SAMMSON: variants seen among roughly 807,000 people sequenced by gnomAD.
SAMMSON encodes the protein survival associated mitochondrial melanoma specific oncogenic non-coding RNA.
At chr3:70,095,891 C>T (rs1205808864) in intron 4 of SAMMSON, 1 of 152,162 alleles carries the variant, frequency 6.6e-6, no homozygotes, top group Non-Finnish European at 1.5e-5. Context: ...CAATGCATAT[C>T]ACTGACACAT....
downstream of SAMMSON, among the ~76,000 whole-genome samples, chr3:70,394,519 C>T (rs1018405478): frequency 2.6e-5 from 4 of 151,828 alleles, no homozygotes; most frequent in East Asian, 1.9e-4. Flanking sequence ...TACCAGGGAC[C>T]GAAGAGAGGG....
chr3:70,140,464 C>G (rs372842779), intron 4 of SAMMSON: 1 of 181,264 alleles, frequency 5.5e-6, no homozygotes, highest in Admixed American at 5.4e-5. Context: ...GAGTGACCCA[C>G]AAACTCTTTA....
At chr3:70,122,062 G>A (rs2067436994) in intron 4 of SAMMSON, among the ~76,000 whole-genome samples, 1 of 152,128 alleles carries the variant, frequency 6.6e-6, no homozygotes, top group African/African-American at 2.4e-5. Flanking sequence ...TATACTGTTT[G>A]TGTGGGACAT....
At chr3:70,083,924 G>A (rs2067276469) in intron 4 of SAMMSON, among the ~76,000 whole-genome samples, 1 of 152,066 alleles carries the variant, frequency 6.6e-6, no homozygotes, top group Non-Finnish European at 1.5e-5. Context: ...AAATAAGGGT[G>A]GAATGAGTGA....
At chr3:70,034,701 G>A (rs940143210) in intron 3 of SAMMSON, among the ~76,000 whole-genome samples, 37 of 152,174 alleles carry the variant, frequency 2.4e-4, no homozygotes, top group African/African-American at 7.9e-4. Context: ...AAAATTAGCT[G>A]GGCATGGTAG....
chr3:70,044,494 A>T (rs977316270), intron 3 of SAMMSON, among the ~76,000 whole-genome samples: 3 of 152,058 alleles, frequency 2.0e-5, no homozygotes, highest in African/African-American at 4.8e-5. Flanking sequence ...AGCCAACCAG[A>T]TATTCATTTT....
intron 3 of SAMMSON, among the ~76,000 whole-genome samples, chr3:70,047,036 A>G (rs1478870986): frequency 1.3e-5 from 2 of 152,122 alleles, no homozygotes; most frequent in Non-Finnish European, 2.9e-5. Context: ...CCCTTTTGGC[A>G]GGTGAGGTCA....
intron 7 of SAMMSON, among the ~76,000 whole-genome samples, chr3:70,353,250 TATAAAAGAAAAAACTTTTCTC>T (rs1702806568): frequency 6.6e-6 from 1 of 151,958 alleles, no homozygotes; most frequent in Non-Finnish European, 1.5e-5. Flanking sequence ...AACTTTTCTC[TATAAAAGAAAAAACTTTTCTC>T]ATAAAAGAAT....
intron 8 of SAMMSON, among the ~76,000 whole-genome samples, chr3:70,356,391 C>T (rs1391008924): frequency 6.6e-6 from 1 of 151,912 alleles, no homozygotes. Flanking sequence ...ATAATTTAAC[C>T]AACTTTAATC....
At chr3:70,290,522 T>A (rs1355412968) in intron 6 of SAMMSON, among the ~76,000 whole-genome samples, 9 of 152,240 alleles carry the variant, frequency 5.9e-5, no homozygotes, top group Admixed American at 2.6e-4. Context: ...TGTTTGTCTG[T>A]GCCCTGCCCC....
chr3:70,299,841 T>G (rs1199558976), intron 7 of SAMMSON, among the ~76,000 whole-genome samples: 2 of 152,144 alleles, frequency 1.3e-5, no homozygotes, highest in Non-Finnish European at 2.9e-5. Flanking sequence ...GGCTTCCCTT[T>G]GTTTAATAAC....
chr3:70,195,057 G>A (rs1374420148), intron 4 of SAMMSON, among the ~76,000 whole-genome samples: 2 of 152,186 alleles, frequency 1.3e-5, no homozygotes, highest in African/African-American at 4.8e-5. Flanking sequence ...AGTGCAGGTA[G>A]TCAGAAAATT....
At chr3:70,211,537 C>T (rs1253448100) in intron 4 of SAMMSON, among the ~76,000 whole-genome samples, 1 of 32,920 alleles carries the variant, frequency 3.0e-5, no homozygotes. Context: ...TCCCTTTGCC[C>T]TTCCCTTCCC....
At chr3:70,334,569 T>C (rs935188320) in intron 7 of SAMMSON, among the ~76,000 whole-genome samples, 13 of 152,088 alleles carry the variant, frequency 8.5e-5, no homozygotes, top group African/African-American at 3.1e-4. Flanking sequence ...TTCTTTAATA[T>C]GTAATTATTA....
At chr3:70,302,853 C>T (rs1702364193) in intron 7 of SAMMSON, among the ~76,000 whole-genome samples, 1 of 152,056 alleles carries the variant, frequency 6.6e-6, no homozygotes, top group African/African-American at 2.4e-5. Flanking sequence ...CCGTTGGGAT[C>T]AATCTCATCA....
At chr3:70,308,688 C>T (rs1054795466) in intron 7 of SAMMSON, among the ~76,000 whole-genome samples, 10 of 152,156 alleles carry the variant, frequency 6.6e-5, no homozygotes, top group Non-Finnish European at 1.5e-4. Flanking sequence ...GTATTGTTCT[C>T]TGCCACACTT....
chr3:70,381,485 A>T (rs1020412134), intron 9 of SAMMSON, among the ~76,000 whole-genome samples: 1 of 152,204 alleles, frequency 6.6e-6, no homozygotes, highest in African/African-American at 2.4e-5. Context: ...GTAACTTTAC[A>T]AGAGAGATAT....
intron 4 of SAMMSON, among the ~76,000 whole-genome samples, chr3:70,162,327 A>G (rs948828698): frequency 2.0e-5 from 3 of 151,798 alleles, no homozygotes; most frequent in African/African-American, 7.2e-5. Context: ...AAATTTTGGT[A>G]TATGTATTTT....
At chr3:70,391,528 A>C (rs1224899243), downstream of SAMMSON, among the ~76,000 whole-genome samples, 2 of 152,064 alleles carry the variant, frequency 1.3e-5, no homozygotes, top group Non-Finnish European at 2.9e-5. Context: ...TTGTAATTGG[A>C]AGGCAGAAAT....
Sources: gnomAD v4.1 joint callset for allele counts (sites outside exome capture counted in the v4.1 genomes callset) on GRCh38, gnomAD v4.1.1 for gene constraint, MANE v1.5 for transcripts, NCBI Gene and HGNC (gene_info 2026-07-23, HGNC 2026-07-21) for gene names.